COL4A1: variants seen among roughly 807,000 people sequenced by gnomAD.
The protein encoded by COL4A1 is collagen alpha-1(IV) chain.
COL4A1 carries 40 observed loss-of-function variants against 216.6 expected under a neutral mutation model. The ratio of observed to expected loss-of-function variants is 0.18; its 90% CI spans 0.14 to 0.24. The LOEUF is 0.24. Among genes scored for constraint, COL4A1 ranks in the 10% least tolerant of loss-of-function variants. The pLI is 1.00. For missense variants in COL4A1, 1,628 were observed against 2,196.8 expected (o/e 0.74, Z 5.18); for synonymous variants, 839 against 810.7 (o/e 1.03, Z -0.59).
rs766209938 is a variant in COL4A1 at position 110,211,923 on chromosome 13, C to G, written c.388-1G>C. 1 of 1,613,858 alleles carries G rather than the reference C, an allele frequency of 6.2e-7. No homozygotes were observed. The highest frequency in any genetic ancestry group is 8.5e-7 in the Non-Finnish European group (1 of 1,179,734). ...GAGGCCCGAGCGGCCCTCTCTCCCCCTGGGGAGACAGCAGAGCATCATTCA... is the reference window on the plus strand; with the variant it reads ...GAGGCCCGAGCGGCCCTCTCTCCCCGTGGGGAGACAGCAGAGCATCATTCA... On this transcript the variant is annotated splice_acceptor_variant, in intron 6 of 51. Transcript: ENST00000375820. LOFTEE classifies it high-confidence loss of function. The surrounding 1 kb of genome is among the most constrained non-coding windows in gnomAD (Gnocchi z 4.3).
chr13:110,282,252 G>A (rs1053180640), intron 1 of COL4A1, among the ~76,000 whole-genome samples: 3 of 152,164 alleles, frequency 2.0e-5, no homozygotes, highest in African/African-American at 7.2e-5. Context: ...TTGACCTTTT[G>A]TTTTCTCATC....
intron 42 of COL4A1, among the ~76,000 whole-genome samples, 186 bp downstream of exon 42, chr13:110,170,361 T>C (rs1877579374): frequency 6.6e-6 from 1 of 152,228 alleles, no homozygotes; most frequent in African/African-American, 2.4e-5. Context: ...CTTAAATTCC[T>C]TGACAGAAAG....
rs530122485 is a variant in COL4A1, at chr13:110,251,700, A to G, written c.85-8966T>C. ...GTTCACCTAGGAAGAACCCAGGATG[A>G]GGGAAAGACGGCGAGAACAGGCTGC... On this transcript the variant is annotated intron_variant, in intron 1 of 51. Transcript: ENST00000375820. 2.0e-5 allele frequency among the ~76,000 whole-genome samples: 3 copies of G among 152,308 alleles called. No homozygotes were observed. In the South Asian group the frequency reaches 6.2e-4, roughly 32 times the overall value.
At chr13:110,303,587 G>A (rs1594130833) in intron 1 of COL4A1, among the ~76,000 whole-genome samples, 1 of 152,220 alleles carries the variant, frequency 6.6e-6, no homozygotes, top group African/African-American at 2.4e-5. Flanking sequence ...CAGTGCACAT[G>A]GAAATGACAT....
At chr13:110,276,664 T>A (rs1883442882) in intron 1 of COL4A1, among the ~76,000 whole-genome samples, 1 of 152,240 alleles carries the variant, frequency 6.6e-6, no homozygotes, top group Non-Finnish European at 1.5e-5. Flanking sequence ...CAAAAACCCC[T>A]ACTTTCAGTG....
At position 110,176,743 on chromosome 13, in the gene COL4A1, A is replaced by C; in HGVS notation, c.2870-19T>G. On this transcript the variant is annotated intron_variant, in intron 34 of 51. Transcript: ENST00000375820. The stretch of plus-strand genomic sequence containing the variant: ...ATTTGTCCTACACATCAGAGAAGAA[A>C]ATAGCAATGACCCGCATTTGCTTGC... 1 of 1,613,892 alleles carries C rather than the reference A, an allele frequency of 6.2e-7. No homozygotes were observed. The highest frequency in any genetic ancestry group is 8.5e-7 in the Non-Finnish European group (1 of 1,179,800).
intron 11 of COL4A1, 22 bp downstream of exon 11, chr13:110,209,370 A>G: frequency 6.2e-7 from 1 of 1,610,518 alleles, no homozygotes; most frequent in Non-Finnish European, 8.5e-7. Context: ...GCCAAAGAAC[A>G]AAAAATGAAA....
intron 1 of COL4A1, among the ~76,000 whole-genome samples, chr13:110,276,422 G>A (rs1053440876): frequency 2.6e-5 from 4 of 152,064 alleles, no homozygotes; most frequent in South Asian, 4.2e-4. Flanking sequence ...TGGGGAATGC[G>A]TCCTGGCCTT....
At chr13:110,209,914 AT>A (rs1879697691) in intron 10 of COL4A1, 65 bp downstream of exon 10, 1 of 1,543,006 alleles carries the variant, frequency 6.5e-7, no homozygotes, top group South Asian at 1.1e-5. Context: ...ATTATTATTT[AT>A]TTTCAAACCT....
intron 36 of COL4A1, among the ~76,000 whole-genome samples, chr13:110,175,715 C>T (rs1446553142): frequency 2.6e-5 from 4 of 152,240 alleles, no homozygotes; most frequent in East Asian, 1.9e-4. Flanking sequence ...ATCAGCCAGA[C>T]GTCACAGGGA....
chr13:110,286,962 T>C (rs1172951595), intron 1 of COL4A1, among the ~76,000 whole-genome samples: 1 of 152,200 alleles, frequency 6.6e-6, no homozygotes, highest in Admixed American at 6.5e-5. Context: ...CGAAACAAGT[T>C]TGGAAACGAC....
chr13:110,272,315 G>C (rs1262001307), intron 1 of COL4A1, among the ~76,000 whole-genome samples: 1 of 152,182 alleles, frequency 6.6e-6, no homozygotes, highest in Non-Finnish European at 1.5e-5. Context: ...ATAGACCGTA[G>C]ATACGTGAAC....
chr13:110,159,264 G>A lies in COL4A1; in HGVS notation c.4640+1928C>T, dbSNP rs561400507. Reference sequence around the variant, plus strand: ...ATATCACCCAAGGGAGCAAAAACTGGTGGAACTGGGGAGTGTGTGTATTAT... The same window carrying A: ...ATATCACCCAAGGGAGCAAAAACTGATGGAACTGGGGAGTGTGTGTATTAT... On this transcript the variant is annotated intron_variant, in intron 49 of 51. Coordinates refer to ENST00000375820, the MANE Select transcript of COL4A1 (RefSeq NM_001845.6). Among the ~76,000 whole-genome samples the A allele has an allele frequency of 5.2e-3, 18 of 3,452 alleles. No homozygotes were observed. The South Asian group carries it at 0.5, about 96-fold the overall frequency. 2.3% of individuals were successfully genotyped at this position (3,452 alleles called of 152,430 possible).
At chr13:110,198,667 G>T (rs496916) in intron 20 of COL4A1, 36 bp from the exon 21 acceptor site, 2 of 1,613,038 alleles carry the variant, frequency 1.2e-6, no homozygotes, top group South Asian at 1.1e-5. Context: ...AGTAACCTCA[G>T]GGCCACTTAG....
At chr13:110,263,282 G>T (rs1882898920) in intron 1 of COL4A1, among the ~76,000 whole-genome samples, 1 of 152,152 alleles carries the variant, frequency 6.6e-6, no homozygotes, top group Non-Finnish European at 1.5e-5. Context: ...AGGAACGGAG[G>T]TTCAGATAAG....
intron 1 of COL4A1, among the ~76,000 whole-genome samples, chr13:110,274,550 C>A (rs1490413795): frequency 6.6e-6 from 1 of 152,160 alleles, no homozygotes; most frequent in Non-Finnish European, 1.5e-5. Context: ...GGGTCAGCAT[C>A]ATCTATCCTG....
At chr13:110,154,245 C>T (rs577004535) in intron 50 of COL4A1, among the ~76,000 whole-genome samples, 2 of 152,326 alleles carry the variant, frequency 1.3e-5, no homozygotes, top group East Asian at 1.9e-4. Flanking sequence ...TACAAGTTCA[C>T]GGCTTGTATA....
rs183266568 is a variant in COL4A1 at position 110,199,887 on chromosome 13, G to A, written c.1120+967C>T. Reference sequence around the variant, plus strand: ...TCCAAGAATTAAGAAGAGACAAAAGGGATGCTTTTAAGGGTAGAGTCAGAG... The same window carrying A: ...TCCAAGAATTAAGAAGAGACAAAAGAGATGCTTTTAAGGGTAGAGTCAGAG... On this transcript the variant is annotated intron_variant, in intron 20 of 51. Coordinates refer to ENST00000375820, the MANE Select transcript of COL4A1 (RefSeq NM_001845.6). Among the ~76,000 whole-genome samples, 680 of 152,224 alleles carry A rather than the reference G, an allele frequency of 4.5e-3. 5 individuals are homozygous for A. Among genetic ancestry groups the A allele is most frequent in the African/African-American group, 0.015 (638 of 41,548 alleles).
At chr13:110,214,222 C>G (rs1057009947) in intron 2 of COL4A1, among the ~76,000 whole-genome samples, 1 of 152,144 alleles carries the variant, frequency 6.6e-6, no homozygotes, top group Non-Finnish European at 1.5e-5. Context: ...TCCCGGGTAG[C>G]TGGGATTACA....
Sources: gnomAD v4.1 joint callset for allele counts (sites outside exome capture counted in the v4.1 genomes callset) on GRCh38, gnomAD v4.1.1 for gene constraint, Gnocchi (gnomAD v3.1) non-coding constraint, MANE v1.5 for transcripts, NCBI Gene and HGNC (gene_info 2026-07-23, HGNC 2026-07-21) for gene names.